RAI14: variants seen among roughly 807,000 people sequenced by gnomAD.
RAI14 encodes the protein retinoic acid induced 14, also known as ankycorbin.
RAI14 carries 45 observed loss-of-function variants against 115.4 expected under a neutral mutation model. The ratio of observed to expected loss-of-function variants is 0.39; its 90% CI spans 0.31 to 0.50. The LOEUF (loss-of-function observed/expected upper bound fraction) is 0.50, where lower values mean the gene tolerates loss of function less well. Among genes scored for constraint, RAI14 ranks in the 20% least tolerant of loss-of-function variants. The pLI is 0.85. For synonymous variants in RAI14, 371 were observed against 415.4 expected (o/e 0.89, Z 1.30); for missense variants, 939 against 1,131.2 (o/e 0.83, Z 2.44).
At chr5:34,680,138 C>G (rs1744281927) in intron 1 of RAI14, among the ~76,000 whole-genome samples, 1 of 152,220 alleles carries the variant, frequency 6.6e-6, no homozygotes, top group Non-Finnish European at 1.5e-5. Flanking sequence ...ATCTCTCACT[C>G]ACACCCAGGG....
At chr5:34,787,892 GATTTT>G (rs1752485966) in intron 3 of RAI14, among the ~76,000 whole-genome samples, 1 of 29,384 alleles carries the variant, frequency 3.4e-5, no homozygotes, top group African/African-American at 9.1e-5. Flanking sequence ...GGATACTACT[GATTTT>G]TTTTTTTTTT....
At chr5:34,755,497 C>T (rs963383938) in intron 2 of RAI14, among the ~76,000 whole-genome samples, 1 of 151,912 alleles carries the variant, frequency 6.6e-6, no homozygotes, top group Non-Finnish European at 1.5e-5. Flanking sequence ...GCTCAGTAGC[C>T]ACAAGTGGCT....
chr5:34,672,710 G>C (rs1414015024), intron 1 of RAI14, among the ~76,000 whole-genome samples: 6 of 152,084 alleles, frequency 3.9e-5, no homozygotes, highest in Non-Finnish European at 7.4e-5. Flanking sequence ...CAGGTGTCTT[G>C]TTTAGAATAA....
chr5:34,659,204 C>T (rs1354448757), intron 1 of RAI14: 1 of 152,058 alleles, frequency 6.6e-6, no homozygotes, highest in African/African-American at 2.4e-5. Flanking sequence ...ACAGAGAATC[C>T]CAGTGTATGA....
At chr5:34,674,247 A>G (rs1035162394) in intron 1 of RAI14, among the ~76,000 whole-genome samples, 3 of 152,216 alleles carry the variant, frequency 2.0e-5, no homozygotes, top group African/African-American at 7.2e-5. Flanking sequence ...CTATGTCATT[A>G]ACATATTTAT....
intron 1 of RAI14, among the ~76,000 whole-genome samples, chr5:34,662,095 G>A (rs1458477704): frequency 1.3e-5 from 2 of 152,146 alleles, no homozygotes; most frequent in African/African-American, 2.4e-5. Context: ...GGTCCACACT[G>A]CGTTTCTAAG....
chr5:34,830,942 C>A lies in RAI14; in HGVS notation c.*177C>A. ...CAGGAGAAGACTGCCCGCCTCAGAACTGCTTAGAGACTTCAAACCAGCAGA... is the reference window on the plus strand; with the variant it reads ...CAGGAGAAGACTGCCCGCCTCAGAAATGCTTAGAGACTTCAAACCAGCAGA... On this transcript the variant is annotated 3_prime_UTR_variant, in exon 18 of 18. Coordinates refer to ENST00000265109, the MANE Select transcript of RAI14 (RefSeq NM_015577.3). 1 of 1,163,454 alleles carries A rather than the reference C, an allele frequency of 8.6e-7. No homozygotes were observed. The highest frequency in any genetic ancestry group is 1.2e-6 in the Non-Finnish European group (1 of 862,878). 72.1% of individuals were successfully genotyped at this position (1,163,454 alleles called of 1,614,324 possible).
chr5:34,740,898 T>C (rs993986518), intron 2 of RAI14, among the ~76,000 whole-genome samples: 10 of 152,216 alleles, frequency 6.6e-5, no homozygotes, highest in Admixed American at 6.5e-4. Context: ...CTATAAGAGT[T>C]CTGTTTTAAA....
intron 8 of RAI14, 40 bp downstream of exon 8, chr5:34,811,158 T>A (rs904199750): frequency 8.2e-6 from 13 of 1,589,224 alleles, no homozygotes; most frequent in Non-Finnish European, 1.1e-5. Flanking sequence ...ACTTCAGTGA[T>A]ACCCACATTC....
intron 3 of RAI14, among the ~76,000 whole-genome samples, chr5:34,761,519 A>T (rs2150105025): frequency 6.6e-6 from 1 of 152,306 alleles, no homozygotes; most frequent in Non-Finnish European, 1.5e-5. Flanking sequence ...TTTGCGCTGG[A>T]ATCTACAGTT....
chr5:34,715,136 G>GT (rs1415438634), intron 2 of RAI14, among the ~76,000 whole-genome samples: 1 of 152,160 alleles, frequency 6.6e-6, no homozygotes, highest in Non-Finnish European at 1.5e-5. Flanking sequence ...AGTTGTGCGT[G>GT]TGAGGGGGTT....
At chr5:34,779,393 A>G (rs1431666911) in intron 3 of RAI14, among the ~76,000 whole-genome samples, 1 of 152,198 alleles carries the variant, frequency 6.6e-6, no homozygotes, top group Admixed American at 6.5e-5. Context: ...CAGGAGAAAG[A>G]AATAAAAGGT....
rs370599165 is a variant in RAI14 at position 34,674,586 on chromosome 5, G to GTTTT, written c.-48-12273_-48-12270dup. On this transcript the variant is annotated intron_variant, in intron 1 of 17. Coordinates refer to ENST00000265109, the MANE Select transcript of RAI14 (RefSeq NM_015577.3). ...TTTTGCTTTTTGAATCGGATCTTTT[G>GTTTT]TTTTTTTTTTTTTTTTGAGGCAGAA... Among the ~76,000 whole-genome samples the GTTTT allele has an allele frequency of 8.6e-3, 1,136 of 132,510 alleles. 26 individuals are homozygous for GTTTT. Among genetic ancestry groups the GTTTT allele is most frequent in the African/African-American group, 0.03 (1,071 of 35,460 alleles). 86.9% of individuals were successfully genotyped at this position (132,510 alleles called of 152,430 possible). A position where few individuals can be genotyped will look rare whatever the true frequency, so the allele number is the denominator to read the frequency against.
chr5:34,829,639 G>T, intron 16 of RAI14, 93 bp from the exon 17 acceptor site: 1 of 1,023,156 alleles, frequency 9.8e-7, no homozygotes, highest in Non-Finnish European at 1.4e-6. Context: ...GACCACTTGG[G>T]TAGCATTTGG....
At chr5:34,798,024 T>G (rs1753736911) in intron 4 of RAI14, among the ~76,000 whole-genome samples, 1 of 152,278 alleles carries the variant, frequency 6.6e-6, no homozygotes, top group East Asian at 1.9e-4. Context: ...AGTTGGTTTT[T>G]TGTGTGTGTT....
At chr5:34,676,617 TTG>T in intron 1 of RAI14, among the ~76,000 whole-genome samples, 1 of 152,336 alleles carries the variant, frequency 6.6e-6, no homozygotes, top group East Asian at 1.9e-4. Flanking sequence ...ACAGCCAATT[TTG>T]TGTCAGTCAG....
In RAI14 at chr5:34,813,609, T is replaced by C. The variant is rs1282680055; in HGVS notation, c.801T>C (p.Ser267=). ...TCTCTAAAATAAGCTCAGAAAGAAG[T>C]GGAACTCCAAAAAAACGCAAAGCTC... ...DQVSKISSER[S]GTPKKRKAPP... Residue 267 remains serine, a synonymous_variant, in exon 11 of 18, where the codon AGT becomes AGC. Transcript: ENST00000265109. 9.3e-6 allele frequency: 15 copies of C among 1,613,514 alleles called. No homozygotes were observed. Among genetic ancestry groups the C allele is most frequent in the Non-Finnish European group, 1.3e-5 (15 of 1,179,652 alleles).
Position 34,795,739 on chromosome 5 carries a change from G to T in RAI14, c.168-200G>T, listed in dbSNP as rs968501222. On this transcript the variant is annotated intron_variant, in intron 3 of 17. Coordinates refer to ENST00000265109, the MANE Select transcript of RAI14 (RefSeq NM_015577.3). ...ATCCCTTAACTAAAGCTGTCAACGA[G>T]GAAATTATCAGACCATCCTGAGCTT... 3.3e-5 allele frequency among the ~76,000 whole-genome samples: 5 copies of T among 151,734 alleles called. No individual in the cohort carries two copies. In the South Asian group the frequency reaches 1.0e-3, roughly 32 times the overall value.
intron 3 of RAI14, among the ~76,000 whole-genome samples, chr5:34,766,643 G>C (rs1318978268): frequency 6.6e-6 from 1 of 152,134 alleles, no homozygotes; most frequent in Admixed American, 6.5e-5. Context: ...CCTTGTCTCA[G>C]ATGCGACTTT....
Sources: allele counts gnomAD v4.1 joint callset (sites outside exome capture counted in the v4.1 genomes callset), GRCh38; gene constraint gnomAD v4.1.1; transcripts MANE v1.5; gene names NCBI Gene and HGNC (gene_info 2026-07-23, HGNC 2026-07-21).